Variants in RAD50 observed in about 807,000 individuals in gnomAD.
RAD50 encodes the protein RAD50 double strand break repair protein.
Under a neutral mutation model 168.8 loss-of-function variants are expected in RAD50, and 132 were observed. The observed-to-expected ratio is 0.78, with a 90% CI of 0.68 to 0.90. The LOEUF is 0.90. RAD50 is among the 40% of genes least tolerant of loss of function. The pLI, the probability that RAD50 is intolerant of heterozygous loss-of-function variation, is 0.00. For missense variants in RAD50, 1,347 were observed against 1,534.4 expected (o/e 0.88, Z 2.04); for synonymous variants, 525 against 497.4 (o/e 1.06, Z -0.74).
chr5:132,641,828 A>G, intron 24 of RAD50: 1 of 214,992 alleles, frequency 4.7e-6, no homozygotes, highest in Admixed American at 5.1e-5. Flanking sequence ...CGAAGGAGTA[A>G]GCCTTCTATA....
Position 132,587,566 on chromosome 5 carries a change from G to T in RAD50, c.761G>T (p.Arg254Leu), listed in dbSNP as rs769196703. Reference sequence around the variant, plus strand: ...GTAATGTTTCTTTATTTTCAGAATCGTCTAAAAGAAATTGAACATAATCTC... The same window carrying T: ...GTAATGTTTCTTTATTTTCAGAATCTTCTAAAAGAAATTGAACATAATCTC... ...YENELDPLKN[R>L]LKEIEHNLSK... Residue 254 changes from arginine (R) to leucine (L), a missense_variant, in exon 6 of 25, where the codon CGT becomes CTT. Physicochemically the swap from Arg to Leu is moderately radical, Grantham distance 102 (BLOSUM62 -2). Transcript: ENST00000378823. The T allele has an allele frequency of 4.3e-6, 7 of 1,612,348 alleles. No homozygotes were observed. The highest frequency in any genetic ancestry group is 5.1e-6 in the Non-Finnish European group (6 of 1,179,360).
chr5:132,616,950 GTT>G (rs1751187646), intron 20 of RAD50, among the ~76,000 whole-genome samples: 1 of 152,154 alleles, frequency 6.6e-6, no homozygotes, highest in Non-Finnish European at 1.5e-5. Context: ...TTAATCCTGT[GTT>G]TTGGTTAAGT....
intron 2 of RAD50, among the ~76,000 whole-genome samples, chr5:132,562,332 G>A (rs1750137298): frequency 6.6e-6 from 1 of 152,140 alleles, no homozygotes; most frequent in African/African-American, 2.4e-5. Flanking sequence ...CAAAGATAGG[G>A]CAGAGACAAA....
chr5:132,639,259 A>G (rs963997074), intron 23 of RAD50, among the ~76,000 whole-genome samples: 19 of 151,504 alleles, frequency 1.3e-4, no homozygotes, highest in Admixed American at 1.1e-3. Flanking sequence ...AGGCTGAGGC[A>G]GGAGAATTGC....
At chr5:132,582,890 A>G (rs1387747287) in intron 5 of RAD50, among the ~76,000 whole-genome samples, 1 of 152,190 alleles carries the variant, frequency 6.6e-6, no homozygotes, top group Non-Finnish European at 1.5e-5. Flanking sequence ...ATTAGAACCA[A>G]AACACAGATG....
intron 5 of RAD50, among the ~76,000 whole-genome samples, chr5:132,584,440 G>A (rs1580990119): frequency 6.6e-6 from 1 of 152,006 alleles, no homozygotes; most frequent in Non-Finnish European, 1.5e-5. Context: ...TTGCAAAAAT[G>A]TTCTCCCATT....
At position 132,609,104 on chromosome 5, in the gene RAD50, T is replaced by C; in HGVS notation, c.2830-13T>C. On this transcript the variant is annotated splice_polypyrimidine_tract_variant and intron_variant, in intron 17 of 24. Coordinates refer to ENST00000378823, the MANE Select transcript of RAD50 (RefSeq NM_005732.4). ...GTACAACCAGTGTAAATTTAATGAATATTTTTCTACAGCTGAATGATATTA... is the reference window on the plus strand; with the variant it reads ...GTACAACCAGTGTAAATTTAATGAACATTTTTCTACAGCTGAATGATATTA... 1 of 1,609,910 alleles carries C rather than the reference T, an allele frequency of 6.2e-7. No individual in the cohort carries two copies. The highest frequency in any genetic ancestry group is 8.5e-7 in the Non-Finnish European group (1 of 1,178,662).
At position 132,603,365 on chromosome 5, in the gene RAD50, A is replaced by G. The variant is rs147568421; in HGVS notation, c.2273A>G (p.Asn758Ser). ...PELRNKLQNV[N>S]RDIQRLKNDI... is the part of the protein sequence containing the mutation. ...TTAAGAAACAAACTGCAGAATGTCAATAGAGACATACAGCGCCTAAAGAAC... is the reference window on the plus strand; with the variant it reads ...TTAAGAAACAAACTGCAGAATGTCAGTAGAGACATACAGCGCCTAAAGAAC... The change falls in exon 14 of 25, where the codon AAT (asparagine) becomes AGT (serine). Residue 758 changes from asparagine (N) to serine (S), a missense_variant. Around this residue, in one of 3 missense-constraint regions of RAD50, gnomAD observed 635 missense variants for 739.2 expected, o/e 0.86. Transcript: ENST00000378823. The G allele has an allele frequency of 2.2e-5, 35 of 1,613,654 alleles. No homozygotes were observed. Among genetic ancestry groups the G allele is most frequent in the African/African-American group, 8.0e-5 (6 of 74,942 alleles).
intron 19 of RAD50, among the ~76,000 whole-genome samples, chr5:132,609,882 C>T (rs1751054802): frequency 6.6e-6 from 1 of 152,012 alleles, no homozygotes; most frequent in Admixed American, 6.6e-5. Context: ...GGTAAAAGTT[C>T]GAACATAAAG....
chr5:132,605,046 A>T (rs1467634296), intron 16 of RAD50, 47 bp downstream of exon 16: 1 of 1,333,296 alleles, frequency 7.5e-7, no homozygotes, highest in Non-Finnish European at 1.0e-6. Flanking sequence ...TTAATTATTT[A>T]TTTTTATTTT....
rs548794891 is a variant in RAD50 at position 132,589,910 on chromosome 5, C to T, written c.1452+73C>T. ...TAGAAGTATTTTGTCTATTTTTGAT[C>T]CTAAGATTATAGCATTTTAATAAAA... On this transcript the variant is annotated intron_variant, in intron 9 of 24. Coordinates refer to ENST00000378823, the MANE Select transcript of RAD50 (RefSeq NM_005732.4). The T allele has an allele frequency of 1.5e-3, 1,951 of 1,343,700 alleles. 3 individuals are homozygous for T. Among genetic ancestry groups the T allele is most frequent in the Middle Eastern group, 3.8e-3 (15 of 3,910 alleles). The allele number at this position is 1,343,700 out of a possible 1,614,324, so 83.2% of individuals were successfully genotyped here. A position where few individuals can be genotyped will look rare whatever the true frequency, so the allele number is the denominator to read the frequency against.
intron 21 of RAD50, among the ~76,000 whole-genome samples, chr5:132,620,141 G>A (rs1042377206): frequency 1.6e-4 from 24 of 151,972 alleles, no homozygotes; most frequent in African/African-American, 4.8e-4. Context: ...TCCTGACCTC[G>A]TGATCCACCT....
intron 17 of RAD50, among the ~76,000 whole-genome samples, 163 bp downstream of exon 17, chr5:132,608,888 G>A (rs960180507): frequency 4.6e-5 from 7 of 152,160 alleles, no homozygotes; most frequent in African/African-American, 1.7e-4. Flanking sequence ...GTTAGAACAA[G>A]GATTTGATGT....
chr5:132,601,159 A>G (rs1750881132), intron 13 of RAD50, among the ~76,000 whole-genome samples: 1 of 152,008 alleles, frequency 6.6e-6, no homozygotes, highest in African/African-American at 2.4e-5. Flanking sequence ...ACCACGCCCA[A>G]CTGATTTTTT....
intron 23 of RAD50, among the ~76,000 whole-genome samples, chr5:132,638,821 T>TGAA (rs1403874726): frequency 6.6e-6 from 1 of 152,142 alleles, no homozygotes; most frequent in Non-Finnish European, 1.5e-5. Context: ...GGAAGAGGAA[T>TGAA]GAAGTTTTAA....
rs554156505 is a variant in RAD50 at position 132,631,546 on chromosome 5, C to T, written c.3390-5569C>T. Among the ~76,000 whole-genome samples the T allele has an allele frequency of 5.9e-5, 9 of 152,338 alleles. No individual in the cohort carries two copies. The South Asian group carries it at 1.9e-3, about 32-fold the overall frequency. ...AGCTGATACACTAGCCAGATGGCTA[C>T]TTGACCATAACAGTTTGCAGCCCAT... On this transcript the variant is annotated intron_variant, in intron 21 of 24. Transcript: ENST00000378823.
At chr5:132,575,729 T>G (rs1173806729) in intron 2 of RAD50, 48 bp from the exon 3 acceptor site, 8 of 1,528,992 alleles carry the variant, frequency 5.2e-6, no homozygotes, top group Non-Finnish European at 7.3e-6. Flanking sequence ...GAACCAACAC[T>G]GGTGCTTATT....
intron 21 of RAD50, among the ~76,000 whole-genome samples, chr5:132,619,352 A>C (rs1316910506): frequency 1.3e-5 from 2 of 152,152 alleles, no homozygotes; most frequent in East Asian, 3.9e-4. Context: ...ATGTTTGCCA[A>C]CCTCATAGGT....
intron 2 of RAD50, among the ~76,000 whole-genome samples, chr5:132,565,385 A>G (rs192138626): frequency 6.6e-5 from 10 of 152,146 alleles, no homozygotes; most frequent in East Asian, 5.8e-4. Flanking sequence ...TCAATGTCTC[A>G]TCGTTGCATC....
Sources: allele counts gnomAD v4.1 joint callset (sites outside exome capture counted in the v4.1 genomes callset), GRCh38; gene constraint gnomAD v4.1.1; regional missense constraint gnomAD v4.1.1; transcripts MANE v1.5; gene names NCBI Gene and HGNC (gene_info 2026-07-23, HGNC 2026-07-21).